The following RNF40 variants were observed in gnomAD, a reference collection of about 807,000 sequenced individuals.
The protein encoded by RNF40 is ring finger protein 40.
Under a neutral mutation model 123.3 loss-of-function variants are expected in RNF40, and 39 were observed. The observed-to-expected ratio is 0.32, with a 90% confidence interval of 0.24 to 0.41. The LOEUF (loss-of-function observed/expected upper bound fraction) is 0.41. Ranked by LOEUF, RNF40 falls within the 10% of genes least tolerant of loss-of-function variation. The probability of loss-of-function intolerance (pLI) is 1.00; values close to 1 mark genes in which losing one functional copy is unlikely to be tolerated. For missense variants in RNF40, 1,003 were observed against 1,319.9 expected (o/e 0.76, Z 3.72); for synonymous variants, 538 against 526.0 (o/e 1.02, Z -0.31).
At chr16:30,770,119 A>AGGGATTTTTTTTTTTTTTTTT (rs1555472664) in intron 17 of RNF40, among the ~76,000 whole-genome samples, 1 of 98,848 alleles carries the variant, frequency 1.0e-5, no homozygotes, top group African/African-American at 3.8e-5. Flanking sequence ...AAAACAAAAG[A>AGGGATTTTTTTTTTTTTTTTT]TTTTTGAGTT....
At position 30,763,579 on chromosome 16, in the gene RNF40, A is replaced by T. The variant is rs1465882475; in HGVS notation, c.442+20A>T. ...TGAGAGGTAGGACCAGAGTGCTGGG[A>T]TCTGGGGAGCTTAAGTTCTGGGAGA... is the stretch of plus-strand genomic sequence containing the variant. On this transcript the variant is annotated intron_variant, in intron 4 of 19. Transcript: ENST00000324685. 5 of 1,613,318 alleles carry T rather than the reference A, an allele frequency of 3.1e-6. No homozygotes were observed. The highest frequency in any genetic ancestry group is 1.1e-5 in the South Asian group (1 of 91,030).
intron 19 of RNF40, 51 bp from the exon 20 acceptor site, chr16:30,773,887 G>T (rs1035451592): frequency 3.8e-6 from 6 of 1,567,854 alleles, no homozygotes; most frequent in Non-Finnish European, 5.2e-6. Flanking sequence ...TCAGCTTGGG[G>T]TCTGGGCACT....
In RNF40 at chr16:30,773,940, G is replaced by A. The variant is rs2054191135; in HGVS notation, c.2832G>A (p.Ala944=). 4.3e-6 allele frequency: 7 copies of A among 1,610,936 alleles called. No homozygotes were observed. The highest frequency in any genetic ancestry group is 1.3e-5 in the African/African-American group (1 of 74,998). The part of the protein sequence containing the change: ...ILQEEIKEYK[A]RLTCPCCNTR... ...GCTGATGCCTTTGCCTGGCCCAGGC[G>A]CGGTTGACCTGCCCCTGCTGTAACA... Residue 944 remains alanine (A), a splice_region_variant and synonymous_variant, in exon 20 of 20, where the codon GCG becomes GCA. Transcript: ENST00000324685.
chr16:30,763,095 G>A (rs937759875), intron 2 of RNF40, 23 bp from the exon 3 acceptor site: 12 of 1,612,444 alleles, frequency 7.4e-6, no homozygotes, highest in Non-Finnish European at 1.0e-5. Flanking sequence ...CGCTCTCGTC[G>A]GCCCCTTTGT....
intron 11 of RNF40, chr16:30,767,640 A>C: frequency 5.1e-6 from 2 of 393,782 alleles, no homozygotes; most frequent in Non-Finnish European, 4.6e-6. Context: ...CACTGTTTCT[A>C]TTTAAAAAAA....
At position 30,766,109 on chromosome 16, in the gene RNF40, G is replaced by A; in HGVS notation, c.994-54G>A. The A allele has an allele frequency of 6.2e-7, 1 of 1,611,828 alleles. No individual in the cohort carries two copies. On this transcript the variant is annotated intron_variant, in intron 8 of 19. Transcript: ENST00000324685. The surrounding 1 kb of genome is among the most constrained non-coding windows in gnomAD (Gnocchi z 5.4). Reference sequence around the variant, plus strand: ...GAGTGTATGCTGGGGATGTAAGGGAGGCCTGCTGCCACGTCTGGCCCTGCC... The same window carrying A: ...GAGTGTATGCTGGGGATGTAAGGGAAGCCTGCTGCCACGTCTGGCCCTGCC...
Position 30,768,232 on chromosome 16 carries a change from A to G in RNF40, c.1681A>G (p.Arg561Gly). Residue 561 changes from arginine (R) to glycine (G), a missense_variant, in exon 13 of 20, where the codon AGA (arginine) becomes GGA (glycine). Arg to Gly is a moderately radical substitution (Grantham distance 125). Transcript: ENST00000324685. The surrounding 1 kb of genome is among the most constrained non-coding windows in gnomAD (Gnocchi z 4.1). ...GPGPVSTPDNRKEMAPVPGTT... is the reference protein window; with the variant it reads ...GPGPVSTPDNGKEMAPVPGTT... ...AGGCCCTGTCAGTACCCCCGACAAC[A>G]GAAAGGAGATGGCTCCAGTGCCTGG... The G allele has an allele frequency of 6.2e-7, 1 of 1,613,836 alleles. No homozygotes were observed. The highest frequency in any genetic ancestry group is 8.5e-7 in the Non-Finnish European group (1 of 1,180,022).
intron 17 of RNF40, among the ~76,000 whole-genome samples, chr16:30,771,019 A>C (rs1567287964): frequency 6.6e-6 from 1 of 152,120 alleles, no homozygotes; most frequent in Non-Finnish European, 1.5e-5. Context: ...CCATTTAAGC[A>C]GCATATTTTA....
At chr16:30,771,289 G>A (rs1431066872) in intron 17 of RNF40, among the ~76,000 whole-genome samples, 1 of 152,134 alleles carries the variant, frequency 6.6e-6, no homozygotes, top group African/African-American at 2.4e-5. Flanking sequence ...GGGAAGTTGA[G>A]GGGAGCAGAG....
chr16:30,769,824 G>T (rs76788949), intron 17 of RNF40, among the ~76,000 whole-genome samples: 1 of 152,202 alleles, frequency 6.6e-6, no homozygotes, highest in African/African-American at 2.4e-5. Context: ...GTTTACGGGC[G>T]TGGTGGCTCA....
At position 30,766,053 on chromosome 16, in the gene RNF40, G is replaced by A. The variant is rs898684039; in HGVS notation, c.994-110G>A. On this transcript the variant is annotated intron_variant, in intron 8 of 19. Coordinates refer to ENST00000324685, the MANE Select transcript of RNF40 (RefSeq NM_014771.4). The surrounding 1 kb of genome is among the most constrained non-coding windows in gnomAD (Gnocchi z 5.4). ...GTACTTGGTTTGGGGTGTCAGAATC[G>A]ATCATTGCCCTGCACGGGGTGCTTG... 1 of 1,488,074 alleles carries A rather than the reference G, an allele frequency of 6.7e-7. No homozygotes were observed. 92.2% of individuals were successfully genotyped at this position (1,488,074 alleles called of 1,614,324 possible). A position where few individuals can be genotyped will look rare whatever the true frequency, so the allele number is the denominator to read the frequency against.
In RNF40 at chr16:30,768,838, G is replaced by A; in HGVS notation, c.2098G>A (p.Val700Ile). The change falls in exon 15 of 20, where the codon GTT (valine) becomes ATT (isoleucine). Residue 700 changes from valine to isoleucine, a missense_variant and splice_region_variant. This residue lies in a region of RNF40 where 295 missense variants were observed against 331.7 expected (regional missense o/e 0.89). Transcript: ENST00000324685. The surrounding 1 kb of genome is among the most constrained non-coding windows in gnomAD (Gnocchi z 4.1). ...GAGTTTCTTCTTCCCTGTGCTATAG[G>A]TTGATGAGCTGCGGAGCCGCATCCG... ...MAAERKAKAE[V>I]DELRSRIREL... The A allele has an allele frequency of 1.2e-6, 2 of 1,614,228 alleles. No individual in the cohort carries two copies. The highest frequency in any genetic ancestry group is 1.1e-5 in the South Asian group (1 of 91,090).
At chr16:30,771,218 T>C (rs1012312346) in intron 17 of RNF40, among the ~76,000 whole-genome samples, 1 of 152,008 alleles carries the variant, frequency 6.6e-6, no homozygotes, top group African/African-American at 2.4e-5. Context: ...CAAAGAAAAA[T>C]AGGGGAGCCT....
chr16:30,771,788 C>A, intron 17 of RNF40, 45 bp from the exon 18 acceptor site: 4 of 1,514,942 alleles, frequency 2.6e-6, no homozygotes, highest in South Asian at 1.3e-5. Context: ...ATGCCTGAGT[C>A]ACCAGGCTCA....
rs1241425284 is a variant in RNF40 at position 30,775,101 on chromosome 16, G to A, written c.*987G>A. ...GAGAGGCCAGAGGGTTGGAGCTGCA[G>A]GGACCCGTTTGGACCCACAGCCTCT... On this transcript the variant is annotated 3_prime_UTR_variant, in exon 20 of 20. Coordinates refer to ENST00000324685, the MANE Select transcript of RNF40 (RefSeq NM_014771.4). The A allele has an allele frequency of 1.3e-5, 6 of 453,120 alleles. No individual in the cohort carries two copies. The highest frequency in any genetic ancestry group is 2.7e-5 in the Non-Finnish European group (6 of 225,136). The allele number at this position is 453,120 out of a possible 1,614,324, so 28.1% of individuals were successfully genotyped here. A position where few individuals can be genotyped will look rare whatever the true frequency, so the allele number is the denominator to read the frequency against.
rs1432276059 is a variant in RNF40 at position 30,776,243 on chromosome 16, CT to C, written c.*2131del. The C allele has an allele frequency of 6.6e-6, 1 of 152,124 alleles. No individual in the cohort carries two copies. The highest frequency in any genetic ancestry group is 6.6e-5 in the Admixed American group (1 of 15,266). 9.4% of individuals were successfully genotyped at this position (152,124 alleles called of 1,614,324 possible). On this transcript the variant is annotated 3_prime_UTR_variant, in exon 20 of 20. Coordinates refer to ENST00000324685, the MANE Select transcript of RNF40 (RefSeq NM_014771.4). ...TCTGCGCTAAAGGCCACCCGGTCTC[CT>C]TATCAGAGGGGCAAAACTCTCCTCG...
chr16:30,764,206 C>G lies in RNF40; in HGVS notation c.470C>G (p.Pro157Arg). 1 of 1,611,106 alleles carries G rather than the reference C, an allele frequency of 6.2e-7. No individual in the cohort carries two copies. Reference sequence around the variant, plus strand: ...CCCTTGCTGATGCAGCTGCGGCCCCCTCTCAGTGAGCCGGCCTTGGCTTTT... The same window carrying G: ...CCCTTGCTGATGCAGCTGCGGCCCCGTCTCAGTGAGCCGGCCTTGGCTTTT... The part of the protein sequence containing the change: ...RDPLLMQLRP[P>R]LSEPALAFVV... The change falls in exon 5 of 20, where the codon CCT becomes CGT. Residue 157 changes from proline to arginine, a missense_variant. Physicochemically the swap from Pro to Arg is moderately radical, Grantham distance 103. Coordinates refer to ENST00000324685, the MANE Select transcript of RNF40 (RefSeq NM_014771.4).
At chr16:30,764,504 ATC>A in intron 5 of RNF40, 119 bp downstream of exon 5, 1 of 858,118 alleles carries the variant, frequency 1.2e-6, no homozygotes, top group Non-Finnish European at 1.8e-6. Flanking sequence ...CAAGGAATAA[ATC>A]AGCCATGTTC....
At position 30,774,248 on chromosome 16, in the gene RNF40, T is replaced by C; in HGVS notation, c.*134T>C. The C allele has an allele frequency of 1.1e-6, 1 of 917,694 alleles. No individual in the cohort carries two copies. The highest frequency in any genetic ancestry group is 1.8e-5 in the South Asian group (1 of 55,754). The allele number at this position is 917,694 out of a possible 1,614,324, so 56.8% of individuals were successfully genotyped here. On this transcript the variant is annotated 3_prime_UTR_variant, in exon 20 of 20. Transcript: ENST00000324685. The stretch of plus-strand genomic sequence containing the variant: ...CCCAGCCCCTGCCCATCTAGTTGGT[T>C]TGGGGACCCTGGTGCATGCTAGTGG...
Sources: gnomAD v4.1 joint callset for allele counts (sites outside exome capture counted in the v4.1 genomes callset) on GRCh38, gnomAD v4.1.1 for gene constraint, gnomAD v4.1.1 regional missense constraint, Gnocchi (gnomAD v3.1) non-coding constraint, MANE v1.5 for transcripts, NCBI Gene and HGNC (gene_info 2026-07-23, HGNC 2026-07-21) for gene names.